Variants in OLFM3 observed in about 807,000 individuals in gnomAD.
OLFM3 encodes noelin-3.
In OLFM3, 20 loss-of-function variants were observed where a neutral mutation model predicts 48.6. The ratio of observed to expected loss-of-function variants is 0.41; its 90% confidence interval spans 0.29 to 0.60. The LOEUF is 0.60. Ranked by LOEUF, OLFM3 falls within the 20% of genes least tolerant of loss-of-function variation. The pLI, the probability that OLFM3 is intolerant of heterozygous loss-of-function variation, is 0.28. For synonymous variants in OLFM3, 222 were observed against 198.1 expected (o/e 1.12, Z -1.01); for missense variants, 437 against 544.3 (o/e 0.80, Z 1.96).
intron 1 of OLFM3, among the ~76,000 whole-genome samples, chr1:101,842,737 C>G (rs1198463321): frequency 6.6e-6 from 1 of 152,180 alleles, no homozygotes; most frequent in Non-Finnish European, 1.5e-5. Flanking sequence ...GCTTTACAGG[C>G]AGCCCCCTCC....
chr1:101,868,610 G>C (rs1656948677), intron 1 of OLFM3, among the ~76,000 whole-genome samples: 1 of 152,204 alleles, frequency 6.6e-6, no homozygotes, highest in Non-Finnish European at 1.5e-5. Flanking sequence ...TTTCTAGAGA[G>C]AAATTCAAGC....
intron 1 of OLFM3, among the ~76,000 whole-genome samples, chr1:101,993,294 G>A (rs1661467235): frequency 6.6e-6 from 1 of 152,044 alleles, no homozygotes; most frequent in Non-Finnish European, 1.5e-5. Flanking sequence ...ATAATGGTCC[G>A]CTAAAAATCT....
intron 1 of OLFM3, among the ~76,000 whole-genome samples, chr1:101,949,779 A>G (rs557127932): frequency 1.3e-5 from 2 of 152,022 alleles, no homozygotes; most frequent in Admixed American, 6.5e-5. Context: ...AAATACAAAA[A>G]ATCAGCCGGG....
At chr1:101,827,485 A>T (rs1654918960) in intron 3 of OLFM3, among the ~76,000 whole-genome samples, 1 of 152,064 alleles carries the variant, frequency 6.6e-6, no homozygotes, top group African/African-American at 2.4e-5. Flanking sequence ...ACACGCAGCT[A>T]AGTTTTTGTA....
intron 1 of OLFM3, among the ~76,000 whole-genome samples, chr1:101,840,178 A>G (rs1013036443): frequency 6.6e-6 from 1 of 152,260 alleles, no homozygotes; most frequent in Non-Finnish European, 1.5e-5. Flanking sequence ...CAATTTTAAC[A>G]TATAAGAACA....
intron 1 of OLFM3, among the ~76,000 whole-genome samples, chr1:101,994,811 G>A (rs1661514582): frequency 6.6e-6 from 1 of 151,886 alleles, no homozygotes; most frequent in Non-Finnish European, 1.5e-5. Flanking sequence ...GCAGTATGTG[G>A]AAGCTGAGAA....
intron 1 of OLFM3, among the ~76,000 whole-genome samples, chr1:101,964,988 G>C (rs1432874855): frequency 2.0e-5 from 3 of 152,156 alleles, no homozygotes; most frequent in Non-Finnish European, 4.4e-5. Flanking sequence ...GTCAGTATAA[G>C]AAACTCAAGT....
At chr1:101,974,185 A>C (rs1005913849) in intron 1 of OLFM3, among the ~76,000 whole-genome samples, 1 of 152,120 alleles carries the variant, frequency 6.6e-6, no homozygotes, top group Admixed American at 6.6e-5. Flanking sequence ...CAAATTTAAC[A>C]ACTATTTTCA....
At chr1:101,981,256 C>G (rs1661097785) in intron 1 of OLFM3, among the ~76,000 whole-genome samples, 1 of 152,084 alleles carries the variant, frequency 6.6e-6, no homozygotes, top group African/African-American at 2.4e-5. Context: ...TACAAGGAAG[C>G]TTCCATGCAC....
At chr1:101,813,030 G>A in intron 4 of OLFM3, 1 of 1,208,494 alleles carries the variant, frequency 8.3e-7, no homozygotes, top group Non-Finnish European at 1.1e-6. Flanking sequence ...TCTAGGTGCT[G>A]AGAATACAAA....
At chr1:101,812,766 TA>T (rs1654131374) in intron 4 of OLFM3, 1 of 987,888 alleles carries the variant, frequency 1.0e-6, no homozygotes, top group Non-Finnish European at 1.2e-6. Context: ...GCTCTTAAAC[TA>T]AACATTGGGT....
intron 1 of OLFM3, among the ~76,000 whole-genome samples, chr1:101,983,148 C>T (rs1199279327): frequency 6.6e-6 from 1 of 152,116 alleles, no homozygotes; most frequent in Non-Finnish European, 1.5e-5. Flanking sequence ...CTTCATCAGC[C>T]TCTTTGCATC....
rs1448094395 is a variant in OLFM3 at position 101,933,204 on chromosome 1, A to G, written c.69+63544T>C. Among the ~76,000 whole-genome samples, 49 of 80,116 alleles carry G rather than the reference A, an allele frequency of 6.1e-4. No individual in the cohort carries two copies. The East Asian group carries it at 0.014, about 23-fold the overall frequency. 52.6% of individuals were successfully genotyped at this position (80,116 alleles called of 152,430 possible). The stretch of plus-strand genomic sequence containing the variant: ...GTGACAGAGTGAGACTCCATCTCAA[A>G]AAAAAAAAAAAAAAAAAAAAAAAAA... On this transcript the variant is annotated intron_variant, in intron 1 of 5. Coordinates refer to ENST00000370103, the MANE Select transcript of OLFM3 (RefSeq NM_058170.4).
At chr1:101,897,132 C>T (rs1658236276) in intron 1 of OLFM3, among the ~76,000 whole-genome samples, 1 of 152,012 alleles carries the variant, frequency 6.6e-6, no homozygotes, top group Non-Finnish European at 1.5e-5. Flanking sequence ...GTGTGTGTTT[C>T]ATATGTACCA....
chr1:101,832,134 C>A (rs1197134928), intron 2 of OLFM3, among the ~76,000 whole-genome samples: 3 of 152,266 alleles, frequency 2.0e-5, no homozygotes, highest in Admixed American at 2.0e-4. Flanking sequence ...AGTAATCCAC[C>A]CACCTTGACC....
chr1:101,921,006 G>A, intron 1 of OLFM3, among the ~76,000 whole-genome samples: 1 of 151,964 alleles, frequency 6.6e-6, no homozygotes, highest in Non-Finnish European at 1.5e-5. Flanking sequence ...TTCACCTTCT[G>A]CTGCCCACCT....
intron 1 of OLFM3, among the ~76,000 whole-genome samples, chr1:101,866,584 G>T (rs1248874577): frequency 6.6e-6 from 1 of 151,964 alleles, no homozygotes; most frequent in East Asian, 1.9e-4. Flanking sequence ...TTAAAAAATA[G>T]CTATGAAAGA....
intron 1 of OLFM3, among the ~76,000 whole-genome samples, chr1:101,864,997 T>C (rs2100968560): frequency 6.6e-6 from 1 of 152,344 alleles, no homozygotes. Flanking sequence ...TTTGGTTTTA[T>C]CTATTAGGTT....
At chr1:101,937,815 A>G (rs766114031) in intron 1 of OLFM3, among the ~76,000 whole-genome samples, 5 of 152,206 alleles carry the variant, frequency 3.3e-5, no homozygotes, top group African/African-American at 4.8e-5. Context: ...ACCACCCTAT[A>G]CATATACAAC....
Sources: allele counts gnomAD v4.1 joint callset (sites outside exome capture counted in the v4.1 genomes callset), GRCh38; gene constraint gnomAD v4.1.1; transcripts MANE v1.5; gene names NCBI Gene and HGNC (gene_info 2026-07-23, HGNC 2026-07-21).